Variants in LRRK1 observed in about 807,000 individuals in gnomAD.
LRRK1 encodes the protein leucine-rich repeat serine/threonine-protein kinase 1.
In LRRK1, 113 loss-of-function variants were observed where a neutral mutation model predicts 209.1. The ratio of observed to expected loss-of-function variants is 0.54; its 90% CI spans 0.46 to 0.63. The LOEUF is 0.63. Ranked by LOEUF, LRRK1 falls within the 30% of genes least tolerant of loss-of-function variation. The pLI, the probability that LRRK1 is intolerant of heterozygous loss-of-function variation, is 0.00. For synonymous variants in LRRK1, 1,144 were observed against 1,099.7 expected, an observed-to-expected ratio of 1.04 and a Z score of -0.80; for missense variants, 2,284 against 2,632.2, an observed-to-expected ratio of 0.87 and a Z score of 2.89.
At chr15:101,042,751 C>T (rs1288583754) in intron 20 of LRRK1, among the ~76,000 whole-genome samples, 5 of 152,190 alleles carry the variant, frequency 3.3e-5, no homozygotes, top group African/African-American at 4.8e-5. Flanking sequence ...TGTGCAGACT[C>T]TTTATGAGCT....
Position 101,068,834 on chromosome 15 carries a change from C to A in LRRK1, c.6034C>A (p.Arg2012Ser). 1.9e-6 allele frequency: 3 copies of A among 1,602,636 alleles called. No individual in the cohort carries two copies. The highest frequency in any genetic ancestry group is 2.6e-6 in the Non-Finnish European group (3 of 1,174,536). Residue 2012 changes from arginine to serine, a missense_variant, in exon 34 of 34, where the codon CGC (arginine) becomes AGC (serine). Around this residue, in one of 6 missense-constraint regions of LRRK1, gnomAD observed 643 missense variants for 695.9 expected, o/e 0.92. Coordinates refer to ENST00000388948, the MANE Select transcript of LRRK1 (RefSeq NM_024652.6). ...GCTGGGCCGGCTGGAGGCTTGCACT[C>A]GCAAGAGAAGGTAATTCCTGTGGAA... is the stretch of plus-strand genomic sequence containing the variant. ...EELGRLEACT[R>S]KRR
At position 101,021,257 on chromosome 15, in the gene LRRK1, G is replaced by A. The variant is rs2033773025; in HGVS notation, c.1739+75G>A. ...CAGAACGCCCATCCCTAAACCAACTGGGACACAGAAAGCCAGGCAGAAAGA... is the reference window on the plus strand; with the variant it reads ...CAGAACGCCCATCCCTAAACCAACTAGGACACAGAAAGCCAGGCAGAAAGA... On this transcript the variant is annotated intron_variant, in intron 13 of 33. Coordinates refer to ENST00000388948, the MANE Select transcript of LRRK1 (RefSeq NM_024652.6). The A allele has an allele frequency of 2.6e-6, 4 of 1,518,704 alleles. No homozygotes were observed. In the Admixed American group the frequency reaches 5.7e-5, roughly 22 times the overall value. 94.1% of individuals were successfully genotyped at this position (1,518,704 alleles called of 1,614,324 possible).
chr15:100,985,083 A>G (rs1046524243), intron 4 of LRRK1, among the ~76,000 whole-genome samples: 3 of 152,202 alleles, frequency 2.0e-5, no homozygotes, highest in African/African-American at 7.2e-5. Flanking sequence ...GAGGGTTTCC[A>G]GCTGTGGGCT....
intron 9 of LRRK1, 47 bp downstream of exon 9, chr15:101,010,884 C>T: frequency 6.4e-7 from 1 of 1,557,448 alleles, no homozygotes; most frequent in Non-Finnish European, 8.7e-7. Context: ...AACTCTGCCT[C>T]TCAGCTGGCC....
rs1750467289 is a variant in LRRK1 at position 101,027,524 on chromosome 15, TAGTG to T, written c.2527-113_2527-110del. 5 of 1,496,040 alleles carry T rather than the reference TAGTG, an allele frequency of 3.3e-6. No individual in the cohort carries two copies. Among genetic ancestry groups the T allele is most frequent in the Non-Finnish European group, 3.6e-6 (4 of 1,109,718 alleles). The allele number at this position is 1,496,040 out of a possible 1,614,324, so 92.7% of individuals were successfully genotyped here. A position where few individuals can be genotyped will look rare whatever the true frequency, so the allele number is the denominator to read the frequency against. On this transcript the variant is annotated intron_variant, in intron 18 of 33. Transcript: ENST00000388948. The surrounding 1 kb of genome is among the most constrained non-coding windows in gnomAD (Gnocchi z 5.1). Reference sequence around the variant, plus strand: ...GGTGAGGGAGGGTCAGGATGGAAGATAGTGGGTGGAAACGTCCCACCCCCTCAGG... The same window carrying T: ...GGTGAGGGAGGGTCAGGATGGAAGATGGTGGAAACGTCCCACCCCCTCAGG...
chr15:101,007,475 A>T (rs1001206701), intron 6 of LRRK1, among the ~76,000 whole-genome samples: 1 of 151,940 alleles, frequency 6.6e-6, no homozygotes, highest in Non-Finnish European at 1.5e-5. Context: ...GGCCCTTCTG[A>T]CTCCCTCTGG....
chr15:101,005,567 G>A (rs2032905644), intron 6 of LRRK1, among the ~76,000 whole-genome samples: 1 of 152,204 alleles, frequency 6.6e-6, no homozygotes, highest in Non-Finnish European at 1.5e-5. Context: ...CAGCGGTGAT[G>A]AGCACACCTC....
chr15:100,974,011 C>G lies in LRRK1; in HGVS notation c.261+44C>G, dbSNP rs2031139923. On this transcript the variant is annotated intron_variant, in intron 3 of 33. Transcript: ENST00000388948. ...CTGCGGCCACCCATGCAGCCCCGGG[C>G]TGGACGAAGGGGACCGCTCAGATGA... 4 of 1,237,572 alleles carry G rather than the reference C, an allele frequency of 3.2e-6. No individual in the cohort carries two copies. In the East Asian group the frequency reaches 1.3e-4, roughly 39 times the overall value. The allele number at this position is 1,237,572 out of a possible 1,614,324, so 76.7% of individuals were successfully genotyped here.
intron 28 of LRRK1, 46 bp from the exon 29 acceptor site, chr15:101,057,944 C>T (rs766558811): frequency 1.9e-5 from 31 of 1,604,804 alleles, no homozygotes; most frequent in African/African-American, 1.5e-4. Flanking sequence ...GGCACCAATC[C>T]GGTTGTAAGT....
chr15:101,077,283 C>T lies in LRRK1; in HGVS notation c.*8435C>T, dbSNP rs1250028957. ...TGCCCCAAAAAACTTGTCATCCCTA[C>T]TATCTTCTGTCTAGTCGTACTCCTA... On this transcript the variant is annotated 3_prime_UTR_variant, in exon 34 of 34. Transcript: ENST00000388948. The T allele has an allele frequency of 6.6e-6, 1 of 152,244 alleles. No individual in the cohort carries two copies. Among genetic ancestry groups the T allele is most frequent in the Admixed American group, 6.5e-5 (1 of 15,282 alleles). 9.4% of individuals were successfully genotyped at this position (152,244 alleles called of 1,614,324 possible). A position where few individuals can be genotyped will look rare whatever the true frequency, so the allele number is the denominator to read the frequency against.
In LRRK1 at chr15:100,941,340, G is replaced by A. The variant is rs867389353; in HGVS notation, c.97+16611G>A. Among the ~76,000 whole-genome samples, 248 of 147,544 alleles carry A rather than the reference G, an allele frequency of 1.7e-3. 8 individuals are homozygous for A. The highest frequency in any genetic ancestry group is 4.2e-3 in the African/African-American group (160 of 38,024). ...TGTGTGTGTGTGTCTGTGTCTCTGT[G>A]TGTGTCTTTGTGTGTGTGTGTGTGT... is the stretch of plus-strand genomic sequence containing the variant. On this transcript the variant is annotated intron_variant, in intron 2 of 33. Coordinates refer to ENST00000388948, the MANE Select transcript of LRRK1 (RefSeq NM_024652.6).
chr15:101,060,912 G>A (rs769847249), intron 29 of LRRK1, among the ~76,000 whole-genome samples: 8 of 152,114 alleles, frequency 5.3e-5, no homozygotes, highest in Admixed American at 6.5e-5. Context: ...CCCCTCCTTC[G>A]TACTGGGGGC....
At chr15:100,942,659 C>A (rs2042463160) in intron 2 of LRRK1, among the ~76,000 whole-genome samples, 1 of 152,232 alleles carries the variant, frequency 6.6e-6, no homozygotes, top group Non-Finnish European at 1.5e-5. Flanking sequence ...AAGTCCAAAT[C>A]TTTCCTTGCC....
chr15:101,008,724 G>A (rs1339767816), intron 6 of LRRK1, 113 bp from the exon 7 acceptor site: 2 of 810,610 alleles, frequency 2.5e-6, no homozygotes, highest in Non-Finnish European at 4.0e-6. Context: ...CTTGGGACCC[G>A]GGCTGGAGCA....
rs766365327 is a variant in LRRK1, at chr15:100,988,749, C to T, written c.549C>T (p.Tyr183=). The change falls in exon 5 of 34, where the codon TAC becomes TAT. Residue 183 remains tyrosine (Y), a synonymous_variant. Transcript: ENST00000388948. ...VLTHGADPES[Y]AVRKNEFPVI... ...CGCACGGGGCTGACCCGGAGAGCTA[C>T]GCTGTCAGGAAGAATGAGTTCCCTG... is the stretch of plus-strand genomic sequence containing the variant. 32 of 1,613,810 alleles carry T rather than the reference C, an allele frequency of 2.0e-5. No homozygotes were observed. Among genetic ancestry groups the T allele is most frequent in the Middle Eastern group, 1.6e-4 (1 of 6,082 alleles).
chr15:101,021,479 G>T (rs535830612), intron 13 of LRRK1, among the ~76,000 whole-genome samples: 1 of 152,110 alleles, frequency 6.6e-6, no homozygotes, highest in African/African-American at 2.4e-5. Context: ...ACTGCCAGGG[G>T]TTCTAGGCAG....
intron 9 of LRRK1, among the ~76,000 whole-genome samples, chr15:101,011,311 A>T (rs764997562): frequency 1.5e-4 from 16 of 110,330 alleles, no homozygotes; most frequent in African/African-American, 1.5e-4. Context: ...TACTAAAATT[A>T]AAAAAAAAAA....
intron 2 of LRRK1, among the ~76,000 whole-genome samples, chr15:100,941,302 ATGTGTGTGTGTCTGTGTGTGTGTGTCTG>A (rs1349977772): frequency 6.4e-5 from 1 of 15,506 alleles, no homozygotes; most frequent in Admixed American, 5.7e-4. Context: ...GTGTGTGTCT[ATGTGTGTGTGTCTGTGTGTGTGTGTCTG>A]TGTCTCTGTG....
At chr15:101,065,324 G>A (rs2036466635) in intron 31 of LRRK1, 28 bp from the exon 32 acceptor site, 2 of 1,602,028 alleles carry the variant, frequency 1.2e-6, no homozygotes, top group African/African-American at 2.7e-5. Context: ...ATGGAAGGAT[G>A]TGACACATCC....
Sources: allele counts gnomAD v4.1 joint callset (sites outside exome capture counted in the v4.1 genomes callset), GRCh38; gene constraint gnomAD v4.1.1; regional missense constraint gnomAD v4.1.1; non-coding constraint Gnocchi (gnomAD v3.1); transcripts MANE v1.5; gene names NCBI Gene and HGNC (gene_info 2026-07-23, HGNC 2026-07-21).